The following KALRN variants were observed in gnomAD, a reference collection of about 807,000 sequenced individuals.
The protein encoded by KALRN is kalirin RhoGEF kinase, also known as kalirin.
A neutral mutation model predicts 353.7 loss-of-function variants in KALRN; 70 were observed. The ratio of observed to expected loss-of-function variants is 0.20; its 90% CI spans 0.16 to 0.24. The LOEUF (loss-of-function observed/expected upper bound fraction) is 0.24, where lower values mean the gene tolerates loss of function less well. KALRN is among the 10% of genes least tolerant of loss of function. KALRN has a pLI of 1.00. For missense variants in KALRN, 2,791 were observed against 3,756.7 expected (o/e 0.74, Z 6.72); for synonymous variants, 1,391 against 1,434.8 (o/e 0.97, Z 0.69).
At chr3:124,064,801 C>T (rs770340802) in intron 1 of KALRN, among the ~76,000 whole-genome samples, 2 of 152,002 alleles carry the variant, frequency 1.3e-5, no homozygotes, top group Non-Finnish European at 2.9e-5. Context: ...AACTTGATAC[C>T]CCTTGAGCTA....
At chr3:124,253,575 G>A (rs2071475818) in intron 3 of KALRN, among the ~76,000 whole-genome samples, 2 of 152,172 alleles carry the variant, frequency 1.3e-5, no homozygotes, top group Admixed American at 6.5e-5. Flanking sequence ...CAGGGCCAGT[G>A]CCACCCTCAT....
intron 51 of KALRN, among the ~76,000 whole-genome samples, chr3:124,680,213 G>A (rs2087633140): frequency 6.6e-6 from 1 of 152,232 alleles, no homozygotes; most frequent in Admixed American, 6.5e-5. Context: ...ATGGTGAGAT[G>A]GAAACACTGC....
chr3:124,361,862 G>A (rs1376960447), intron 10 of KALRN, among the ~76,000 whole-genome samples: 5 of 150,962 alleles, frequency 3.3e-5, no homozygotes. Flanking sequence ...TAGTGATGGT[G>A]GCAGCAGCGG....
chr3:124,596,281 C>T (rs146552069), intron 34 of KALRN, among the ~76,000 whole-genome samples: 50 of 151,064 alleles, frequency 3.3e-4, no homozygotes, highest in African/African-American at 1.2e-3. Flanking sequence ...GTCAGCAGTT[C>T]GAGGCCAGTC....
At chr3:124,428,596 C>G (rs2093133831) in intron 15 of KALRN, among the ~76,000 whole-genome samples, 1 of 152,210 alleles carries the variant, frequency 6.6e-6, no homozygotes, top group Admixed American at 6.5e-5. Context: ...CAGCCCCACC[C>G]TGGAGCTAAG....
chr3:124,035,577 G>A (rs2039340270), intron 1 of KALRN, among the ~76,000 whole-genome samples: 1 of 152,032 alleles, frequency 6.6e-6, no homozygotes, highest in African/African-American at 2.4e-5. Flanking sequence ...CAAACACTAG[G>A]TCCTGTTCAT....
At chr3:124,165,321 A>G (rs2070658291) in intron 1 of KALRN, among the ~76,000 whole-genome samples, 1 of 152,102 alleles carries the variant, frequency 6.6e-6, no homozygotes, top group Admixed American at 6.5e-5. Context: ...GTGCATTAGC[A>G]TCTCTTAGAA....
At chr3:124,158,465 GGTGATTCTGTCCTCTC>G (rs1430779652) in intron 1 of KALRN, among the ~76,000 whole-genome samples, 2 of 152,212 alleles carry the variant, frequency 1.3e-5, no homozygotes, top group African/African-American at 4.8e-5. Flanking sequence ...GAGCTGAGAT[GGTGATTCTGTCCTCTC>G]TGGAGAGGCC....
intron 1 of KALRN, among the ~76,000 whole-genome samples, chr3:124,192,595 A>G (rs1322501395): frequency 2.6e-5 from 4 of 152,184 alleles, no homozygotes; most frequent in African/African-American, 9.7e-5. Flanking sequence ...TGATGTGCTT[A>G]TTTCACGTTA....
chr3:124,617,536 C>T (rs2078752196), intron 34 of KALRN, among the ~76,000 whole-genome samples: 1 of 152,112 alleles, frequency 6.6e-6, no homozygotes, highest in Non-Finnish European at 1.5e-5. Context: ...AGCAGAAAAG[C>T]TAAAGGGTGT....
intron 38 of KALRN, among the ~76,000 whole-genome samples, chr3:124,651,472 A>C (rs1024695546): frequency 1.6e-4 from 24 of 152,332 alleles, no homozygotes; most frequent in African/African-American, 5.5e-4. Context: ...TTGAATAGTT[A>C]GTGGTAAAAT....
chr3:124,518,757 T>A (rs916822658), intron 33 of KALRN: 9 of 1,346,752 alleles, frequency 6.7e-6, no homozygotes, highest in Non-Finnish European at 8.6e-6. Context: ...AATGGCCCAA[T>A]GTACTTCCCC....
intron 1 of KALRN, among the ~76,000 whole-genome samples, chr3:124,056,708 C>T (rs1184766605): frequency 1.3e-5 from 2 of 152,188 alleles, no homozygotes; most frequent in African/African-American, 4.8e-5. Context: ...GGTATCTGTC[C>T]CTAGCTATTA....
At chr3:124,604,362 G>A (rs751250336) in intron 34 of KALRN, among the ~76,000 whole-genome samples, 8 of 152,038 alleles carry the variant, frequency 5.3e-5, no homozygotes, top group Admixed American at 3.3e-4. Flanking sequence ...GTTATGCATC[G>A]AGCCTGAAAA....
intron 1 of KALRN, among the ~76,000 whole-genome samples, chr3:124,083,641 G>A (rs2060654264): frequency 6.6e-6 from 1 of 152,212 alleles, no homozygotes. Flanking sequence ...GAGGCACAAA[G>A]AAGTTTAGTA....
At chr3:124,104,695 ATG>A (rs2149453101) in intron 1 of KALRN, among the ~76,000 whole-genome samples, 1 of 152,342 alleles carries the variant, frequency 6.6e-6, no homozygotes, top group East Asian at 1.9e-4. Context: ...AGAGACTCAG[ATG>A]TGTAAAAAGG....
rs1448768142 is a variant in KALRN at position 124,720,290 on chromosome 3, A to G, written c.*820A>G. On this transcript the variant is annotated 3_prime_UTR_variant, in exon 60 of 60. Coordinates refer to ENST00000682506, the MANE Select transcript of KALRN (RefSeq NM_001388419.1). ...GGCAGCTCAGAATTATTCTGGAAAG[A>G]AAGCCTGCCAGGAAATAAATTCAAA... The G allele has an allele frequency of 6.6e-6, 1 of 152,654 alleles. No individual in the cohort carries two copies. The highest frequency in any genetic ancestry group is 1.9e-4 in the East Asian group (1 of 5,206). 9.5% of individuals were successfully genotyped at this position (152,654 alleles called of 1,614,324 possible).
At chr3:124,513,977 C>A (rs2066250970) in intron 33 of KALRN, among the ~76,000 whole-genome samples, 1 of 152,156 alleles carries the variant, frequency 6.6e-6, no homozygotes, top group South Asian at 2.1e-4. Flanking sequence ...AAAAGGAGAC[C>A]CTTCAGGCAG....
intron 27 of KALRN, 121 bp from the exon 28 acceptor site, chr3:124,482,687 C>T (rs1432819365): frequency 1.4e-6 from 1 of 697,462 alleles, no homozygotes; most frequent in East Asian, 2.5e-5. Flanking sequence ...AACATGTTCT[C>T]ATACTTGTCT....
Sources: allele counts gnomAD v4.1 joint callset (sites outside exome capture counted in the v4.1 genomes callset), GRCh38; gene constraint gnomAD v4.1.1; transcripts MANE v1.5; gene names NCBI Gene and HGNC (gene_info 2026-07-23, HGNC 2026-07-21).